The following MYO7A variants were observed in gnomAD, a reference collection of about 807,000 sequenced individuals.
The protein encoded by MYO7A is myosin VIIA, also known as unconventional myosin-VIIa.
In MYO7A, 210 loss-of-function variants were observed where a neutral mutation model predicts 263.8. The ratio of observed to expected loss-of-function variants is 0.80; its 90% confidence interval spans 0.71 to 0.89. The LOEUF (loss-of-function observed/expected upper bound fraction) is 0.89. Among genes scored for constraint, MYO7A ranks in the 40% least tolerant of loss-of-function variants. MYO7A has a pLI of 0.00. For synonymous variants in MYO7A, 1,239 were observed against 1,197.3 expected (o/e 1.03, Z -0.72); for missense variants, 2,820 against 2,968.3 (o/e 0.95, Z 1.16).
chr11:77,199,911 G>T (rs938300640), intron 35 of MYO7A, 93 bp downstream of exon 35: 10 of 1,214,766 alleles, frequency 8.2e-6, no homozygotes, highest in Non-Finnish European at 1.1e-5. Flanking sequence ...ATGGAACACT[G>T]GAGGCTGGGA....
In MYO7A at chr11:77,138,293, G is replaced by A. The variant is rs1223299756; in HGVS notation, c.19-4416G>A. ...ATTAGGGAGCCGGAGCAGTGCCGCC[G>A]TCGCCGTCGCAGCGCCATGGAGGAC... On this transcript the variant is annotated intron_variant, in intron 2 of 48. Transcript: ENST00000409709. This position sits in a 1 kb window ranked among gnomAD's most constrained non-coding sequence, Gnocchi z 4.9. 3.9e-5 allele frequency among the ~76,000 whole-genome samples: 6 copies of A among 151,940 alleles called. No individual in the cohort carries two copies. The highest frequency in any genetic ancestry group is 5.9e-5 in the Non-Finnish European group (4 of 68,014).
At position 77,190,118 on chromosome 11, in the gene MYO7A, G is replaced by A. The variant is rs727504023; in HGVS notation, c.3729G>A (p.Pro1243=). 1.9e-5 allele frequency: 30 copies of A among 1,571,016 alleles called. No homozygotes were observed. The highest frequency in any genetic ancestry group is 9.4e-5 in the East Asian group (4 of 42,586). The part of the protein sequence containing the change: ...RTFVNGTRTQ[P]PSWLELQATK... ...TTGTCAATGGGACACGGACACAGCC[G>A]CCCAGCTGGCTGGAGCTGCAGGTTC... The change falls in exon 29 of 49, where the codon CCG becomes CCA. Residue 1243 remains proline (P), a synonymous_variant. Coordinates refer to ENST00000409709, the MANE Select transcript of MYO7A (RefSeq NM_000260.4).
At position 77,157,411 on chromosome 11, in the gene MYO7A, C is replaced by A; in HGVS notation, c.849+19C>A. 6.4e-7 allele frequency: 1 copy of A among 1,566,470 alleles called. No individual in the cohort carries two copies. Among genetic ancestry groups the A allele is most frequent in the South Asian group, 1.2e-5 (1 of 86,610 alleles). ...GGCCATGGTGAGGCCCAGGTGGGCCCCTGGGTAGGGGGGCACCCACCCTAG... is the reference window on the plus strand; with the variant it reads ...GGCCATGGTGAGGCCCAGGTGGGCCACTGGGTAGGGGGGCACCCACCCTAG... On this transcript the variant is annotated intron_variant, in intron 8 of 48. Transcript: ENST00000409709.
chr11:77,176,516 A>G (rs138541953), intron 18 of MYO7A, among the ~76,000 whole-genome samples: 46 of 152,190 alleles, frequency 3.0e-4, no homozygotes, highest in Non-Finnish European at 4.9e-4. Flanking sequence ...CAGGACTTCT[A>G]GTCTGGGAAG....
At chr11:77,130,522 C>T (rs1463652296) in intron 1 of MYO7A, 67 bp from the exon 2 acceptor site, 4 of 1,330,398 alleles carry the variant, frequency 3.0e-6, no homozygotes, top group Non-Finnish European at 4.2e-6. Context: ...CCCAGGTGAC[C>T]CCAGCCAGGC....
rs782751775 is a variant in MYO7A, at chr11:77,155,888, C to T, written c.286-19C>T. ...TCCCACATGGAATCAGCGAGCTCCC[C>T]ATCTCTTGCTGCCCGCAGACGTATA... On this transcript the variant is annotated intron_variant, in intron 4 of 48. Transcript: ENST00000409709. 2.6e-6 allele frequency: 4 copies of T among 1,565,094 alleles called. No individual in the cohort carries two copies. The Admixed American group carries it at 7.2e-5, about 28-fold the overall frequency.
At chr11:77,200,292 CAA>C (rs934464962) in intron 35 of MYO7A, among the ~76,000 whole-genome samples, 24 of 151,338 alleles carry the variant, frequency 1.6e-4, no homozygotes, top group African/African-American at 5.3e-4. Flanking sequence ...AGAAAAGAAA[CAA>C]AGAGAAAAAA....
intron 4 of MYO7A, among the ~76,000 whole-genome samples, chr11:77,155,547 G>A (rs1056888121): frequency 3.9e-4 from 60 of 152,234 alleles, no homozygotes; most frequent in African/African-American, 1.3e-3. Context: ...GATGGTGGGA[G>A]ACAGCATTTG....
rs777954362 is a variant in MYO7A, at chr11:77,204,117, C to T, written c.5368C>T (p.Arg1790Cys). The change falls in exon 39 of 49, where the codon CGC (arginine) becomes TGC (cysteine). Residue 1790 changes from arginine (R) to cysteine (C), a missense_variant. Coordinates refer to ENST00000409709, the MANE Select transcript of MYO7A (RefSeq NM_000260.4). The stretch of plus-strand genomic sequence containing the variant: ...GGGCGACTACCCGTCCAAGAGGACA[C>T]GCTCCGTCAACGAGCTCACCGACCA... ...YMGDYPSKRT[R>C]SVNELTDQIF... 1.8e-5 allele frequency: 29 copies of T among 1,600,582 alleles called. No individual in the cohort carries two copies. The East Asian group carries it at 3.2e-4, about 18-fold the overall frequency.
chr11:77,175,497 G>T (rs543022784), intron 18 of MYO7A, 33 bp downstream of exon 18: 41 of 1,599,606 alleles, frequency 2.6e-5, no homozygotes, highest in East Asian at 6.7e-5. Context: ...GGCTGCCCTG[G>T]GGGGGCTGTA....
In MYO7A at chr11:77,190,777, A is replaced by T. The variant is rs1039729309; in HGVS notation, c.3831A>T (p.Ala1277=). ...CCAAGACCCTGCTGACGGACTCGGCAACCACGGCCAAGGAGCTCTGCAACG... is the reference window on the plus strand; with the variant it reads ...CCAAGACCCTGCTGACGGACTCGGCTACCACGGCCAAGGAGCTCTGCAACG... ...GTTKTLLTDS[A]TTAKELCNAL... The change falls in exon 30 of 49, where the codon GCA becomes GCT. Residue 1277 remains alanine (A), a synonymous_variant. Transcript: ENST00000409709. 6.3e-7 allele frequency: 1 copy of T among 1,596,744 alleles called. No homozygotes were observed. The highest frequency in any genetic ancestry group is 1.3e-5 in the African/African-American group (1 of 74,272).
intron 12 of MYO7A, among the ~76,000 whole-genome samples, chr11:77,161,727 C>A (rs529338394): frequency 6.6e-6 from 1 of 152,246 alleles, no homozygotes; most frequent in Non-Finnish European, 1.5e-5. Context: ...CCCTTCCCAC[C>A]TCCCAAGGCC....
intron 20 of MYO7A, 41 bp downstream of exon 20, chr11:77,179,170 T>C (rs782270932): frequency 6.5e-7 from 1 of 1,537,278 alleles, no homozygotes; most frequent in South Asian, 1.2e-5. Flanking sequence ...AACAGGCCTT[T>C]GAACCCAGCC....
chr11:77,161,225 C>A, intron 12 of MYO7A, 110 bp downstream of exon 12: 1 of 1,357,118 alleles, frequency 7.4e-7, no homozygotes, highest in East Asian at 2.4e-5. Context: ...CACACTCTGC[C>A]AGGCTGTTCC....
At chr11:77,200,427 A>T (rs1363902340) in intron 35 of MYO7A, among the ~76,000 whole-genome samples, 1 of 152,322 alleles carries the variant, frequency 6.6e-6, no homozygotes, top group South Asian at 2.1e-4. Context: ...TTTTTAAACA[A>T]TCAGTTCTCA....
rs782339169 is a variant in MYO7A, at chr11:77,158,456, C to T, written c.1003+26C>T. On this transcript the variant is annotated intron_variant, in intron 9 of 48. Coordinates refer to ENST00000409709, the MANE Select transcript of MYO7A (RefSeq NM_000260.4). Reference sequence around the variant, plus strand: ...GTGAGGCTGCGCCACACTCGCCCTGCCCCACCCCTGCGCCAAGGGCAGTGC... The same window carrying T: ...GTGAGGCTGCGCCACACTCGCCCTGTCCCACCCCTGCGCCAAGGGCAGTGC... 10 of 1,605,102 alleles carry T rather than the reference C, an allele frequency of 6.2e-6. No individual in the cohort carries two copies. In the Admixed American group the frequency reaches 1.7e-4, roughly 27 times the overall value.
At chr11:77,197,457 C>T (rs936286318) in intron 32 of MYO7A, 24 bp from the exon 33 acceptor site, 9 of 1,512,076 alleles carry the variant, frequency 6.0e-6, no homozygotes, top group Non-Finnish European at 8.1e-6. Flanking sequence ...TGTCTTCTGT[C>T]CCTCTGTCCC....
chr11:77,180,245 T>C, intron 21 of MYO7A, 129 bp from the exon 22 acceptor site: 1 of 422,768 alleles, frequency 2.4e-6, no homozygotes, highest in East Asian at 4.1e-5. Context: ...AATTTCTTGA[T>C]TACCTCACTT....
At chr11:77,183,446 A>G (rs1227440361) in intron 26 of MYO7A, among the ~76,000 whole-genome samples, 2 of 152,172 alleles carry the variant, frequency 1.3e-5, no homozygotes, top group African/African-American at 2.4e-5. Context: ...GAGGGAATAC[A>G]CTTCTAGCCG....
Sources: allele counts gnomAD v4.1 joint callset (sites outside exome capture counted in the v4.1 genomes callset), GRCh38; gene constraint gnomAD v4.1.1; non-coding constraint Gnocchi (gnomAD v3.1); transcripts MANE v1.5; gene names NCBI Gene and HGNC (gene_info 2026-07-23, HGNC 2026-07-21).